The following ABL1 variants were observed in gnomAD, a reference collection of about 807,000 sequenced individuals.
ABL1 encodes tyrosine-protein kinase ABL1.
In ABL1, 11 loss-of-function variants were observed where a neutral mutation model predicts 94.7. That is an observed-to-expected ratio of 0.12 (90% CI 0.07 to 0.19). ABL1 has a LOEUF of 0.19. ABL1 is among the 10% of genes least tolerant of loss of function. The pLI, the probability that ABL1 is intolerant of heterozygous loss-of-function variation, is 1.00. For synonymous variants in ABL1, 656 were observed against 622.4 expected (o/e 1.05, Z -0.80); for missense variants, 1,082 against 1,489.4 (o/e 0.73, Z 4.50).
At chr9:130,882,985 G>A (rs1265122472) in intron 10 of ABL1, among the ~76,000 whole-genome samples, 5 of 151,804 alleles carry the variant, frequency 3.3e-5, no homozygotes, top group African/African-American at 1.2e-4. Context: ...GGCACAAGCT[G>A]GGGGCTGCCC....
chr9:130,847,794 CCCTTTCCTTCCTAACA>C (rs1343507434), intron 1 of ABL1, among the ~76,000 whole-genome samples: 1 of 152,184 alleles, frequency 6.6e-6, no homozygotes, highest in African/African-American at 2.4e-5. Flanking sequence ...CAGTGGGAGG[CCCTTTCCTTCCTAACA>C]AAGGCCTCAT....
chr9:130,769,243 G>C lies in ABL1; in HGVS notation c.136+54788G>C, dbSNP rs77435474. ...TAACTAGAGTAGGTCGGTTATAGAG[G>C]AAAACAGTTTAATCAGTTGTTGTTT... On this transcript the variant is annotated intron_variant, in intron 1 of 10. Transcript: ENST00000372348. 2.7e-3 allele frequency among the ~76,000 whole-genome samples: 411 copies of C among 151,544 alleles called. 3 individuals carry two copies. Among genetic ancestry groups the C allele is most frequent in the Middle Eastern group, 0.014 (4 of 294 alleles).
At position 130,885,652 on chromosome 9, in the gene ABL1, T is replaced by G; in HGVS notation, c.3362T>G (p.Val1121Gly). ...GACTTCAGCAAGCTCCTCAGTTCGGTGAAGGAAATCAGTGACATAGTGCAG... is the reference window on the plus strand; with the variant it reads ...GACTTCAGCAAGCTCCTCAGTTCGGGGAAGGAAATCAGTGACATAGTGCAG... ...TQDFSKLLSS[V>G]KEISDIVQR is the part of the protein sequence containing the mutation. Residue 1121 changes from valine (V) to glycine (G), a missense_variant, in exon 11 of 11, where the codon GTG becomes GGG. Physicochemically the swap from Val to Gly is moderately radical, Grantham distance 109. This residue lies in a region of ABL1 where 780 missense variants were observed against 835.8 expected (regional missense o/e 0.93). Coordinates refer to ENST00000318560, the MANE Select transcript of ABL1 (RefSeq NM_005157.6). The G allele has an allele frequency of 3.1e-6, 5 of 1,612,872 alleles. No homozygotes were observed. The highest frequency in any genetic ancestry group is 4.2e-6 in the Non-Finnish European group (5 of 1,179,848).
At chr9:130,825,575 C>T (rs564074269) in intron 1 of ABL1, among the ~76,000 whole-genome samples, 15 of 152,228 alleles carry the variant, frequency 9.9e-5, no homozygotes, top group African/African-American at 2.9e-4. Context: ...TGCAGCATTG[C>T]TATTTTCTAT....
chr9:130,813,073 T>G (rs115336016), intron 1 of ABL1, among the ~76,000 whole-genome samples: 5,439 of 151,510 alleles, frequency 0.036, 311 homozygotes, highest in African/African-American at 0.12. Flanking sequence ...AAATTAGCTG[T>G]GTGTAGTGGT....
Position 130,785,326 on chromosome 9 carries a change from A to G in ABL1, c.137-68738A>G, listed in dbSNP as rs535328846. Among the ~76,000 whole-genome samples the G allele has an allele frequency of 2.0e-5, 3 of 152,214 alleles. No individual in the cohort carries two copies. In the East Asian group the frequency reaches 5.8e-4, roughly 30 times the overall value. On this transcript the variant is annotated intron_variant, in intron 1 of 10. Transcript: ENST00000372348. ...CCGTGCACCAGCTCCAACCACACACACCCTGCAGGGAGTTTCTCCACCACG... is the reference window on the plus strand; with the variant it reads ...CCGTGCACCAGCTCCAACCACACACGCCCTGCAGGGAGTTTCTCCACCACG...
At chr9:130,718,889 A>T (rs1213452190) in intron 1 of ABL1, among the ~76,000 whole-genome samples, 1 of 152,202 alleles carries the variant, frequency 6.6e-6, no homozygotes, top group Non-Finnish European at 1.5e-5. Context: ...CTCAAAACAA[A>T]GTTTGAGAAC....
At chr9:130,833,623 C>G (rs770280046), upstream of ABL1, among the ~76,000 whole-genome samples, 8 of 152,160 alleles carry the variant, frequency 5.3e-5, no homozygotes, top group Non-Finnish European at 1.2e-4. Context: ...GATCTGGTAC[C>G]ACGACTCTAG....
Position 130,863,177 on chromosome 9 carries a change from A to G in ABL1, c.822+142A>G, listed in dbSNP as rs1437681679. 2 of 964,216 alleles carry G rather than the reference A, an allele frequency of 2.1e-6. No homozygotes were observed. The highest frequency in any genetic ancestry group is 2.9e-5 in the Admixed American group (1 of 34,134). The allele number at this position is 964,216 out of a possible 1,614,324, so 59.7% of individuals were successfully genotyped here. A position where few individuals can be genotyped will look rare whatever the true frequency, so the allele number is the denominator to read the frequency against. ...GCCACGGAATTGACTTTTCCGTCTT[A>G]TATCATTCCTGTGTCTTTGTAGGAG... On this transcript the variant is annotated intron_variant, in intron 4 of 10. Coordinates refer to ENST00000318560, the MANE Select transcript of ABL1 (RefSeq NM_005157.6). The surrounding 1 kb of genome is among the most constrained non-coding windows in gnomAD (Gnocchi z 4.3).
Position 130,876,733 on chromosome 9 carries a change from C to CTTTTTTTTTT in ABL1, c.1271-1668_1271-1659dup, listed in dbSNP as rs755840936. ...ACCATGCCCTGCCACAAGTTGGTTTCTTTTTTTTTTTTTTTTTTTTTTTGA... is the reference window on the plus strand; with the variant it reads ...ACCATGCCCTGCCACAAGTTGGTTTCTTTTTTTTTTTTTTTTTTTTTTTTTTTTTTTTTGA... On this transcript the variant is annotated intron_variant, in intron 7 of 10. Transcript: ENST00000318560. Among the ~76,000 whole-genome samples, 59 of 83,200 alleles carry CTTTTTTTTTT rather than the reference C, an allele frequency of 7.1e-4. 4 individuals are homozygous for CTTTTTTTTTT. The highest frequency in any genetic ancestry group is 2.7e-3 in the African/African-American group (53 of 19,328). The allele number at this position is 83,200 out of a possible 152,430, so 54.6% of individuals were successfully genotyped here.
At chr9:130,848,068 G>C (rs988050819) in intron 1 of ABL1, among the ~76,000 whole-genome samples, 1 of 152,182 alleles carries the variant, frequency 6.6e-6, no homozygotes, top group African/African-American at 2.4e-5. Context: ...TTAATTTCCT[G>C]TGTGGGCCTG....
chr9:130,780,577 C>T (rs924293699), intron 1 of ABL1, among the ~76,000 whole-genome samples: 1 of 152,140 alleles, frequency 6.6e-6, no homozygotes, highest in African/African-American at 2.4e-5. Flanking sequence ...GGCGAATTGT[C>T]CCCTTTCTCC....
intron 1 of ABL1, among the ~76,000 whole-genome samples, chr9:130,780,565 T>C (rs1295125033): frequency 1.3e-5 from 2 of 152,220 alleles, no homozygotes; most frequent in African/African-American, 4.8e-5. Flanking sequence ...CTGCTATTTC[T>C]AGGCGAATTG....
intron 1 of ABL1, among the ~76,000 whole-genome samples, chr9:130,723,846 C>G (rs1325500624): frequency 6.6e-6 from 1 of 151,688 alleles, no homozygotes; most frequent in Non-Finnish European, 1.5e-5. Context: ...GAGTCTCGCT[C>G]TGTCACCCAG....
chr9:130,855,166 G>T, intron 3 of ABL1, 70 bp downstream of exon 3: 2 of 1,492,306 alleles, frequency 1.3e-6, no homozygotes, highest in Non-Finnish European at 1.8e-6. Context: ...CTGTCGGATT[G>T]ATAAATTATT....
chr9:130,729,582 C>G (rs1374148568), intron 1 of ABL1, among the ~76,000 whole-genome samples: 1 of 152,182 alleles, frequency 6.6e-6, no homozygotes, highest in Admixed American at 6.6e-5. Flanking sequence ...TCTCTTTCCT[C>G]AAGGGTCACA....
upstream of ABL1, among the ~76,000 whole-genome samples, chr9:130,831,810 T>C (rs1374184652): frequency 3.9e-5 from 6 of 152,106 alleles, no homozygotes; most frequent in Admixed American, 3.3e-4. Context: ...GATTTCCCCA[T>C]GTTGGCCAGG....
intron 1 of ABL1, among the ~76,000 whole-genome samples, chr9:130,722,085 C>G (rs981735454): frequency 6.6e-6 from 1 of 151,424 alleles, no homozygotes; most frequent in East Asian, 2.0e-4. Flanking sequence ...CCTGGCTATC[C>G]GATTCTCAAA....
intron 1 of ABL1, among the ~76,000 whole-genome samples, chr9:130,807,652 T>C (rs1288663191): frequency 6.8e-6 from 1 of 147,080 alleles, no homozygotes; most frequent in Non-Finnish European, 1.5e-5. Flanking sequence ...CATTATATTT[T>C]ATACATTCCT....
Sources: allele counts gnomAD v4.1 joint callset (sites outside exome capture counted in the v4.1 genomes callset), GRCh38; gene constraint gnomAD v4.1.1; regional missense constraint gnomAD v4.1.1; non-coding constraint Gnocchi (gnomAD v3.1); transcripts MANE v1.5; gene names NCBI Gene and HGNC (gene_info 2026-07-23, HGNC 2026-07-21).